Variants in PRICKLE3 observed in about 807,000 individuals in gnomAD.
PRICKLE3 encodes LIM domain only protein 6.
PRICKLE3 carries 17 observed loss-of-function variants against 33.8 expected under a neutral mutation model. That is an observed-to-expected ratio of 0.50 (90% CI 0.34 to 0.75). The LOEUF (loss-of-function observed/expected upper bound fraction) is 0.75, where lower values mean the gene tolerates loss of function less well. Among genes scored for constraint, PRICKLE3 ranks in the 30% least tolerant of loss-of-function variants. The pLI, the probability that PRICKLE3 is intolerant of heterozygous loss-of-function variation, is 0.01. For missense variants in PRICKLE3, 573 were observed against 576.7 expected (o/e 0.99, Z 0.07); for synonymous variants, 211 against 219.6 (o/e 0.96, Z 0.34).
At chrX:49,181,331 GCACTCA>G (rs2065447774) in intron 3 of PRICKLE3, among the ~76,000 whole-genome samples, 1 of 100,524 alleles carries the variant, frequency 9.9e-6, no homozygotes, top group African/African-American at 3.7e-5. Flanking sequence ...TTGAGCCACT[GCACTCA>G]AACCTGGGAG....
intron 3 of PRICKLE3, among the ~76,000 whole-genome samples, chrX:49,181,927 G>A (rs961739947): frequency 9.3e-6 from 1 of 107,173 alleles, no homozygotes; most frequent in Non-Finnish European, 1.9e-5. Context: ...GGGATTACAG[G>A]CGTGAACCAC....
At chrX:49,184,924 T>G (rs2065476005) in intron 1 of PRICKLE3, 7 of 1,090,334 alleles carry the variant, frequency 6.4e-6, no homozygotes, top group South Asian at 2.2e-5. Flanking sequence ...TCCTTATATG[T>G]CCCCTTTTCA....
chrX:49,176,935 G>A lies in PRICKLE3; in HGVS notation c.1223C>T (p.Thr408Ile). ...FSAVKGASET[T>I]TKGTSTELAP... Reference sequence around the variant, plus strand: ...TAACTCTGTGCTGGTGCCTTTGGTGGTGGTCTCTGATGCCCCCTTCACAGC... The same window carrying A: ...TAACTCTGTGCTGGTGCCTTTGGTGATGGTCTCTGATGCCCCCTTCACAGC... The change falls in exon 8 of 9, where the codon ACC becomes ATC. Residue 408 changes from threonine (T) to isoleucine (I), a missense_variant. Transcript: ENST00000599218. 8.3e-7 allele frequency: 1 copy of A among 1,202,597 alleles called. No homozygotes were observed. The highest frequency in any genetic ancestry group is 1.1e-6 in the Non-Finnish European group (1 of 891,788).
At chrX:49,184,462 T>G (rs970485160) in intron 2 of PRICKLE3, among the ~76,000 whole-genome samples, 163 bp downstream of exon 2, 3 of 111,991 alleles carry the variant, frequency 2.7e-5, no homozygotes, top group Non-Finnish European at 5.7e-5. Context: ...CTTTGGGGAA[T>G]GAGTCAGGGG....
Position 49,175,537 on chromosome X carries a change from A to G in PRICKLE3, c.*136T>C, listed in dbSNP as rs2065409825. 4 of 598,753 alleles carry G rather than the reference A, an allele frequency of 6.7e-6. No homozygotes were observed. Among genetic ancestry groups the G allele is most frequent in the African/African-American group, 4.6e-5 (2 of 43,354 alleles). 49.3% of individuals were successfully genotyped at this position (598,753 alleles called of 1,213,427 possible). On this transcript the variant is annotated 3_prime_UTR_variant, in exon 9 of 9. Coordinates refer to ENST00000599218, the MANE Select transcript of PRICKLE3 (RefSeq NM_006150.5). The stretch of plus-strand genomic sequence containing the variant: ...CCAAGTCTCTAAAACAGAAACAAAA[A>G]TAGAAACAAACTGATAAAGGAGGGA...
chrX:49,184,895 C>T, intron 1 of PRICKLE3, 185 bp from the exon 2 acceptor site: 3 of 1,130,632 alleles, frequency 2.7e-6, no homozygotes, highest in Non-Finnish European at 3.5e-6. Flanking sequence ...GAGGCAGAGG[C>T]GGGGCAGTTG....
intron 3 of PRICKLE3, 37 bp downstream of exon 3, chrX:49,183,697 A>C (rs1276118087): frequency 1.7e-6 from 2 of 1,210,378 alleles, no homozygotes; most frequent in Non-Finnish European, 2.2e-6. Flanking sequence ...GTGTGCACCC[A>C]CTGGACAGCA....
intron 7 of PRICKLE3, among the ~76,000 whole-genome samples, chrX:49,177,613 C>G (rs2147871422): frequency 9.0e-6 from 1 of 111,348 alleles, no homozygotes; most frequent in South Asian, 3.7e-4. Context: ...GAGTGGTTCT[C>G]AGAGGATAGG....
chrX:49,181,060 C>T (rs1239307404), intron 3 of PRICKLE3, among the ~76,000 whole-genome samples: 2 of 109,966 alleles, frequency 1.8e-5, no homozygotes, highest in South Asian at 3.9e-4. Flanking sequence ...ACAAGCAAAT[C>T]CTCTGAGTGC....
At chrX:49,176,386 C>T in intron 8 of PRICKLE3, 121 bp from the exon 9 acceptor site, 1 of 510,936 alleles carries the variant, frequency 2.0e-6, no homozygotes. Flanking sequence ...GGGCAGGGGT[C>T]GGAGAATGGC....
chrX:49,183,846 C>A lies in PRICKLE3; in HGVS notation c.200G>T (p.Arg67Leu). Reference protein sequence around the residue: ...AVHAVPVDLERIMCRLISDFQ... With the variant: ...AVHAVPVDLELIMCRLISDFQ... ...GTCCGAGATTAGCCGACACATGATG[C>A]GTTCCAGGTCCACAGGCACCGCGTG... Residue 67 changes from arginine to leucine, a missense_variant, in exon 3 of 9, where the codon CGC becomes CTC. Arg to Leu is a moderately radical substitution (Grantham distance 102). Transcript: ENST00000599218. 8.3e-7 allele frequency: 1 copy of A among 1,211,415 alleles called. No individual in the cohort carries two copies. Among genetic ancestry groups the A allele is most frequent in the South Asian group, 1.8e-5 (1 of 56,964 alleles).
chrX:49,183,952 A>G (rs1557101538), intron 2 of PRICKLE3, 35 bp from the exon 3 acceptor site: 3 of 1,188,191 alleles, frequency 2.5e-6, no homozygotes, highest in Non-Finnish European at 3.4e-6. Context: ...ATTACTAAGG[A>G]GTTGCCCACC....
chrX:49,183,048 T>C (rs2065464753), intron 3 of PRICKLE3, among the ~76,000 whole-genome samples: 1 of 111,626 alleles, frequency 9.0e-6, no homozygotes, highest in Admixed American at 9.4e-5. Flanking sequence ...GGTCTCAAAC[T>C]CCTGACCTCA....
chrX:49,178,913 A>G (rs1197764344), intron 5 of PRICKLE3, among the ~76,000 whole-genome samples: 1 of 112,325 alleles, frequency 8.9e-6, no homozygotes, highest in Non-Finnish European at 1.9e-5. Flanking sequence ...GCTCTTGAGG[A>G]CAAGTTCTGA....
chrX:49,182,044 T>G (rs1215970717), intron 3 of PRICKLE3, among the ~76,000 whole-genome samples: 1 of 109,321 alleles, frequency 9.1e-6, no homozygotes, highest in Non-Finnish European at 1.9e-5. Context: ...CCTCCTGGGT[T>G]CAAGGAATTC....
rs782611814 is a variant in PRICKLE3 at position 49,178,298 on chromosome X, G to A, written c.742C>T (p.Arg248Cys). 4 of 1,199,545 alleles carry A rather than the reference G, an allele frequency of 3.3e-6. No individual in the cohort carries two copies. Among genetic ancestry groups the A allele is most frequent in the Non-Finnish European group, 4.5e-6 (4 of 889,733 alleles). ...YCGRHHAECL[R>C]PRCQACDEII... ...TCGTCACAGGCTTGGCAGCGTGGAC[G>A]CAGGCATTCGGCATGGTGACGCCCG... Residue 248 changes from arginine to cysteine, a missense_variant, in exon 6 of 9, where the codon CGT (arginine) becomes TGT (cysteine). Transcript: ENST00000599218.
intron 1 of PRICKLE3, 124 bp from the exon 2 acceptor site, chrX:49,184,834 C>A: frequency 8.6e-7 from 1 of 1,163,199 alleles, no homozygotes; most frequent in African/African-American, 1.8e-5. Flanking sequence ...ACCTGGGCAG[C>A]GCTGGGCAGG....
chrX:49,184,737 G>A (rs868909273), intron 1 of PRICKLE3, 27 bp from the exon 2 acceptor site: 1 of 1,162,519 alleles, frequency 8.6e-7, no homozygotes, highest in African/African-American at 1.8e-5. Flanking sequence ...CAGATGCAGG[G>A]CCGGGTGAGG....
Position 49,178,175 on chromosome X carries a change from A to G in PRICKLE3, c.773T>C (p.Ile258Thr), listed in dbSNP as rs782092969. The G allele has an allele frequency of 8.4e-7, 1 of 1,186,232 alleles. No individual in the cohort carries two copies. The highest frequency in any genetic ancestry group is 1.1e-6 in the Non-Finnish European group (1 of 880,057). The change falls in exon 7 of 9, where the codon ATC becomes ACC. Residue 258 changes from isoleucine to threonine, a missense_variant. Coordinates refer to ENST00000599218, the MANE Select transcript of PRICKLE3 (RefSeq NM_006150.5). ...RPRCQACDEIIFSPECTEAEG... is the reference protein window; with the variant it reads ...RPRCQACDEITFSPECTEAEG... Reference sequence around the variant, plus strand: ...AGCCTCCGTGCACTCAGGGGAGAAGATGATCTGGAGGGCGCAGGCCATCTG... The same window carrying G: ...AGCCTCCGTGCACTCAGGGGAGAAGGTGATCTGGAGGGCGCAGGCCATCTG...
Sources: allele counts gnomAD v4.1 joint callset (sites outside exome capture counted in the v4.1 genomes callset), GRCh38; gene constraint gnomAD v4.1.1; transcripts MANE v1.5; gene names NCBI Gene and HGNC (gene_info 2026-07-23, HGNC 2026-07-21).